The following RASSF8 variants were observed in gnomAD, a reference collection of about 807,000 sequenced individuals.
The protein encoded by RASSF8 is ras association domain-containing protein 8.
Under a neutral mutation model 48.5 loss-of-function variants are expected in RASSF8, and 22 were observed. The observed-to-expected ratio is 0.45, with a 90% CI of 0.32 to 0.65. The LOEUF (loss-of-function observed/expected upper bound fraction) is 0.65, where lower values mean the gene tolerates loss of function less well. Among genes scored for constraint, RASSF8 ranks in the 30% least tolerant of loss-of-function variants. The pLI is 0.03. For synonymous variants in RASSF8, 127 were observed against 171.5 expected (o/e 0.74, Z 2.03); for missense variants, 418 against 489.2 (o/e 0.85, Z 1.37).
rs2137299524 is a variant in RASSF8, at chr12:26,064,655, A to C, written c.261A>C (p.Arg87=). 6.2e-7 allele frequency: 1 copy of C among 1,614,154 alleles called. No homozygotes were observed. ...GAACTGGGCCGTCTCTCAGTGAGCG[A>C]CCCACTTCAGACAGTGTGGCTCGAA... ...LRRTGPSLSE[R]PTSDSVARIP... Residue 87 remains arginine, a synonymous_variant, in exon 4 of 6, where the codon CGA becomes CGC. Coordinates refer to ENST00000689635, the MANE Select transcript of RASSF8 (RefSeq NM_001394098.1).
rs770087741 is a variant in RASSF8, at chr12:26,068,975, A to G, written c.*157A>G. ...TACCACTTGGAGCCATACCCTGTGC[A>G]CTGATGCTAAAGAACAAAGAAACTG... On this transcript the variant is annotated 3_prime_UTR_variant, in exon 6 of 6. Coordinates refer to ENST00000689635, the MANE Select transcript of RASSF8 (RefSeq NM_001394098.1). 4 of 1,376,062 alleles carry G rather than the reference A, an allele frequency of 2.9e-6. No individual in the cohort carries two copies. Among genetic ancestry groups the G allele is most frequent in the African/African-American group, 2.9e-5 (2 of 68,438 alleles). The allele number at this position is 1,376,062 out of a possible 1,614,324, so 85.2% of individuals were successfully genotyped here.
chr12:25,994,692 T>C lies in RASSF8; in HGVS notation c.-202-345T>C, dbSNP rs376435982. Among the ~76,000 whole-genome samples, 8 of 152,316 alleles carry C rather than the reference T, an allele frequency of 5.3e-5. No individual in the cohort carries two copies. In the South Asian group the frequency reaches 1.7e-3, roughly 32 times the overall value. ...TGTAAAGCTACTTTCAAGAAATCAG[T>C]GTGGTATCACAGGGAGCTGGGGTCA... On this transcript the variant is annotated intron_variant, in intron 1 of 5. Coordinates refer to ENST00000689635, the MANE Select transcript of RASSF8 (RefSeq NM_001394098.1).
chr12:26,025,450 G>A lies in RASSF8; in HGVS notation c.-108-29786G>A, dbSNP rs114098219. Among the ~76,000 whole-genome samples, 1,145 of 151,870 alleles carry A rather than the reference G, an allele frequency of 7.5e-3. 17 individuals are homozygous for A. The highest frequency in any genetic ancestry group is 0.027 in the African/African-American group (1,098 of 41,380). ...CGGGCGCCTGTATTCCCAGGTACTC[G>A]GGACGGCAGGCTGAGGCAGGAGAAT... is the stretch of plus-strand genomic sequence containing the variant. On this transcript the variant is annotated intron_variant, in intron 2 of 5. Coordinates refer to ENST00000689635, the MANE Select transcript of RASSF8 (RefSeq NM_001394098.1).
chr12:26,050,281 C>G (rs1209820206), intron 2 of RASSF8, among the ~76,000 whole-genome samples: 1 of 152,118 alleles, frequency 6.6e-6, no homozygotes, highest in Non-Finnish European at 1.5e-5. Flanking sequence ...TTCAGATGCT[C>G]TTATTAGTAT....
At chr12:25,960,963 T>A (rs1941218631) in intron 1 of RASSF8, among the ~76,000 whole-genome samples, 1 of 152,258 alleles carries the variant, frequency 6.6e-6, no homozygotes, top group Admixed American at 6.5e-5. Context: ...GTTCAGATAT[T>A]TGGTAATTAC....
rs1267807458 is a variant in RASSF8, at chr12:26,069,510, A to G, written c.*692A>G. 1 of 985,420 alleles carries G rather than the reference A, an allele frequency of 1.0e-6. No individual in the cohort carries two copies. Among genetic ancestry groups the G allele is most frequent in the East Asian group, 1.1e-4 (1 of 8,820 alleles). 61.0% of individuals were successfully genotyped at this position (985,420 alleles called of 1,614,324 possible). Reference sequence around the variant, plus strand: ...ACAGAGCATAACAGATATTTTTCATAAGCTAAATTGTATGTATAAAACATT... The same window carrying G: ...ACAGAGCATAACAGATATTTTTCATGAGCTAAATTGTATGTATAAAACATT... On this transcript the variant is annotated 3_prime_UTR_variant, in exon 6 of 6. Transcript: ENST00000689635.
chr12:26,075,756 C>T (rs1944066422), downstream of RASSF8, among the ~76,000 whole-genome samples: 1 of 152,100 alleles, frequency 6.6e-6, no homozygotes, highest in Non-Finnish European at 1.5e-5. Context: ...AGGCATAAAG[C>T]AAATCATAGG....
chr12:25,997,593 G>A (rs1445932598), intron 2 of RASSF8, among the ~76,000 whole-genome samples: 2 of 152,182 alleles, frequency 1.3e-5, no homozygotes, highest in Non-Finnish European at 1.5e-5. Flanking sequence ...AACTTGTAAC[G>A]AGGTGTTTAT....
intron 3 of RASSF8, among the ~76,000 whole-genome samples, chr12:26,056,671 C>A (rs1185354176): frequency 6.6e-6 from 1 of 152,204 alleles, no homozygotes; most frequent in East Asian, 1.9e-4. Context: ...CAGAGACTTT[C>A]TGGTAATATT....
At chr12:26,007,024 GA>G (rs1942407936) in intron 2 of RASSF8, among the ~76,000 whole-genome samples, 1 of 152,174 alleles carries the variant, frequency 6.6e-6, no homozygotes, top group African/African-American at 2.4e-5. Context: ...GGTGGAAAGT[GA>G]AGGGGAGCCA....
chr12:26,024,304 A>T (rs912287347), intron 2 of RASSF8, among the ~76,000 whole-genome samples: 14 of 152,140 alleles, frequency 9.2e-5, no homozygotes, highest in Non-Finnish European at 5.9e-5. Flanking sequence ...CCCAGCCTGG[A>T]GTAACATTTC....
At chr12:26,007,514 CAGA>C (rs1436803289) in intron 2 of RASSF8, among the ~76,000 whole-genome samples, 1 of 152,136 alleles carries the variant, frequency 6.6e-6, no homozygotes, top group Non-Finnish European at 1.5e-5. Context: ...CCTGGGAGCA[CAGA>C]AGGAGCTCCT....
intron 5 of RASSF8, 89 bp downstream of exon 5, chr12:26,067,802 T>C: frequency 6.6e-7 from 1 of 1,521,340 alleles, no homozygotes; most frequent in Non-Finnish European, 9.0e-7. Context: ...TATCACTGTA[T>C]CGCCCAGGCT....
intron 2 of RASSF8, among the ~76,000 whole-genome samples, chr12:26,024,061 G>A (rs1419217757): frequency 6.6e-6 from 1 of 152,178 alleles, no homozygotes; most frequent in African/African-American, 2.4e-5. Context: ...TTATTTTGGG[G>A]TTTGTAAGGT....
chr12:26,073,772 C>G (rs1399583020), downstream of RASSF8, among the ~76,000 whole-genome samples: 1 of 133,292 alleles, frequency 7.5e-6, no homozygotes, highest in African/African-American at 2.9e-5. Context: ...CACACACACA[C>G]ACACATATAT....
At chr12:26,060,827 G>C (rs1309143870) in intron 3 of RASSF8, among the ~76,000 whole-genome samples, 1 of 152,166 alleles carries the variant, frequency 6.6e-6, no homozygotes, top group African/African-American at 2.4e-5. Context: ...GAATAAGTCA[G>C]GTGTTACTGA....
chr12:25,986,926 T>TTTGTTTGTTTGTTTG (rs1555160452), intron 1 of RASSF8, among the ~76,000 whole-genome samples: 125 of 146,698 alleles, frequency 8.5e-4, no homozygotes, highest in Middle Eastern at 7.0e-3. Flanking sequence ...CGTTTTTTTT[T>TTTGTTTGTTTGTTTG]TTTGTTTGTT....
intron 2 of RASSF8, among the ~76,000 whole-genome samples, chr12:26,003,913 A>G (rs1409860895): frequency 2.6e-5 from 4 of 152,224 alleles, no homozygotes; most frequent in Non-Finnish European, 1.5e-5. Context: ...GCGGTGGCTC[A>G]TGCATGTAAT....
chr12:26,044,165 C>G (rs900906536), intron 2 of RASSF8, among the ~76,000 whole-genome samples: 2 of 152,166 alleles, frequency 1.3e-5, no homozygotes, highest in African/African-American at 4.8e-5. Flanking sequence ...CTTTGCAGCT[C>G]ACTAAGGCAG....
Sources: gnomAD v4.1 joint callset for allele counts (sites outside exome capture counted in the v4.1 genomes callset) on GRCh38, gnomAD v4.1.1 for gene constraint, MANE v1.5 for transcripts, NCBI Gene and HGNC (gene_info 2026-07-23, HGNC 2026-07-21) for gene names.